The following SNAP91 variants were observed in gnomAD, a reference collection of about 807,000 sequenced individuals.
SNAP91 encodes the protein synaptosome associated protein 91.
In SNAP91, 27 loss-of-function variants were observed where a neutral mutation model predicts 100.3. The ratio of observed to expected loss-of-function variants is 0.27; its 90% CI spans 0.20 to 0.37. SNAP91 has a LOEUF of 0.37. Among genes scored for constraint, SNAP91 ranks in the 10% least tolerant of loss-of-function variants. The pLI, the probability that SNAP91 is intolerant of heterozygous loss-of-function variation, is 1.00. For missense variants in SNAP91, 986 were observed against 1,123.7 expected (o/e 0.88, Z 1.75); for synonymous variants, 404 against 398.6 (o/e 1.01, Z -0.16).
intron 14 of SNAP91, among the ~76,000 whole-genome samples, chr6:83,602,631 A>G (rs2095337780): frequency 6.6e-6 from 1 of 152,162 alleles, no homozygotes; most frequent in Admixed American, 6.5e-5. Context: ...GTAGAAGTTT[A>G]TTTCAATTTC....
At chr6:83,707,979 G>C in intron 1 of SNAP91, 22 bp from the exon 2 acceptor site, 2 of 1,520,946 alleles carry the variant, frequency 1.3e-6, no homozygotes, top group South Asian at 1.3e-5. Flanking sequence ...AAGGGGAGAC[G>C]GTCCGGCTTT....
intron 13 of SNAP91, among the ~76,000 whole-genome samples, chr6:83,607,329 T>TGTTGTGTGTGTGTGTGTGTG (rs148264353): frequency 2.8e-5 from 4 of 144,890 alleles, no homozygotes; most frequent in African/African-American, 1.0e-4. Flanking sequence ...CCAAGTTGGG[T>TGTTGTGTGTGTGTGTGTGTG]TGTGTGTGTG....
intron 2 of SNAP91, chr6:83,690,164 A>C (rs1358466958): frequency 2.0e-6 from 1 of 491,890 alleles, no homozygotes; most frequent in African/African-American, 2.1e-5. Flanking sequence ...CCTAATGATT[A>C]TGGTTACGAA....
intron 8 of SNAP91, among the ~76,000 whole-genome samples, chr6:83,633,401 A>G (rs1324144236): frequency 6.6e-6 from 1 of 152,130 alleles, no homozygotes; most frequent in Admixed American, 6.6e-5. Context: ...CTGTGGTAGT[A>G]TGGGGAGGAA....
chr6:83,592,994 C>G lies in SNAP91; in HGVS notation c.1798G>C (p.Gly600Arg). 2 of 1,585,126 alleles carry G rather than the reference C, an allele frequency of 1.3e-6. No homozygotes were observed. Among genetic ancestry groups the G allele is most frequent in the South Asian group, 2.3e-5 (2 of 86,266 alleles). ...STDAFSSPPQ[G>R]ASPVPESSLT... ...GAACTCTCAGGCACAGGAGAGGCCC[C>G]TTGTGGTGGAGAGGAGAAAGCATCT... The change falls in exon 20 of 30, where the codon GGG (glycine) becomes CGG (arginine). Residue 600 changes from glycine to arginine, a missense_variant. This residue lies in a region of SNAP91 where 575 missense variants were observed against 579.9 expected (regional missense o/e 0.99). Coordinates refer to ENST00000369694, the MANE Select transcript of SNAP91 (RefSeq NM_001242792.2).
At chr6:83,559,640 C>T (rs746135959) in intron 28 of SNAP91, among the ~76,000 whole-genome samples, 12 of 152,138 alleles carry the variant, frequency 7.9e-5, no homozygotes, top group African/African-American at 9.7e-5. Flanking sequence ...ATGTGTCTTG[C>T]GTCTGGAGTG....
In SNAP91 at chr6:83,554,496, C is replaced by G. The variant is rs187614321; in HGVS notation, c.*11-211G>C. Among the ~76,000 whole-genome samples the G allele has an allele frequency of 5.8e-3, 888 of 151,912 alleles. 5 individuals are homozygous for G. The highest frequency in any genetic ancestry group is 9.4e-3 in the Non-Finnish European group (638 of 67,948). On this transcript the variant is annotated intron_variant, in intron 29 of 29. Coordinates refer to ENST00000369694, the MANE Select transcript of SNAP91 (RefSeq NM_001242792.2). The stretch of plus-strand genomic sequence containing the variant: ...AGTTTAGCCAGAAATTAAAAAAAAA[C>G]TTTTGATGTATAGTTTCATTTTAGA...
chr6:83,630,035 G>A lies in SNAP91; in HGVS notation c.766-6693C>T, dbSNP rs548139412. On this transcript the variant is annotated intron_variant, in intron 8 of 29. Transcript: ENST00000369694. ...ATTGATGTACGTCCCTTGTATGCCA[G>A]TTTTGCTAAGCGTTTTAATCATAAA... 6.6e-5 allele frequency among the ~76,000 whole-genome samples: 10 copies of A among 152,112 alleles called. No homozygotes were observed. The East Asian group carries it at 1.9e-3, about 29-fold the overall frequency.
At chr6:83,684,785 A>G (rs2099039023) in intron 2 of SNAP91, among the ~76,000 whole-genome samples, 1 of 152,204 alleles carries the variant, frequency 6.6e-6, no homozygotes, top group Admixed American at 6.5e-5. Context: ...TTAAAAAATC[A>G]GAAACTATTT....
chr6:83,588,791 A>G (rs546649077), intron 22 of SNAP91, among the ~76,000 whole-genome samples: 5 of 152,122 alleles, frequency 3.3e-5, no homozygotes, highest in Admixed American at 2.6e-4. Context: ...GAGAAACACA[A>G]TATCTCAGGT....
At chr6:83,598,516 T>C (rs894126144) in intron 16 of SNAP91, among the ~76,000 whole-genome samples, 1 of 152,182 alleles carries the variant, frequency 6.6e-6, no homozygotes. Context: ...TGAAATTAAA[T>C]AGCCATCCTT....
intron 8 of SNAP91, among the ~76,000 whole-genome samples, chr6:83,625,149 T>C (rs2096882596): frequency 6.6e-6 from 1 of 152,172 alleles, no homozygotes; most frequent in African/African-American, 2.4e-5. Flanking sequence ...TATTTGGTTT[T>C]CTGTTTCTGC....
At chr6:83,591,390 G>T in intron 21 of SNAP91, 96 bp from the exon 22 acceptor site, 1 of 790,632 alleles carries the variant, frequency 1.3e-6, no homozygotes, top group South Asian at 1.5e-5. Context: ...GCAGAGACAT[G>T]ACAGTGTACA....
At chr6:83,638,834 T>G (rs529443900) in intron 8 of SNAP91, among the ~76,000 whole-genome samples, 1 of 152,226 alleles carries the variant, frequency 6.6e-6, no homozygotes, top group African/African-American at 2.4e-5. Flanking sequence ...GCAAATATTC[T>G]GGGAGATGTA....
At chr6:83,629,629 T>C (rs2097125354) in intron 8 of SNAP91, among the ~76,000 whole-genome samples, 1 of 152,084 alleles carries the variant, frequency 6.6e-6, no homozygotes, top group South Asian at 2.1e-4. Flanking sequence ...GTAAAAGGGG[T>C]TGAGATCTTG....
intron 7 of SNAP91, among the ~76,000 whole-genome samples, chr6:83,644,002 G>C (rs1003041612): frequency 1.3e-5 from 2 of 152,140 alleles, no homozygotes; most frequent in East Asian, 1.9e-4. Flanking sequence ...TGAAAATAAG[G>C]ATTTATTCTG....
intron 2 of SNAP91, among the ~76,000 whole-genome samples, chr6:83,689,796 T>G (rs1405740969): frequency 6.6e-6 from 1 of 152,090 alleles, no homozygotes; most frequent in African/African-American, 2.4e-5. Context: ...ATGCCAAAAA[T>G]TTGTTTCCAA....
intron 5 of SNAP91, among the ~76,000 whole-genome samples, chr6:83,660,750 A>G (rs537675603): frequency 6.6e-6 from 1 of 151,816 alleles, no homozygotes; most frequent in Non-Finnish European, 1.5e-5. Context: ...TAAAAAAAAA[A>G]TATTTATATA....
chr6:83,646,132 A>G (rs1404072097), intron 7 of SNAP91, among the ~76,000 whole-genome samples: 1 of 152,172 alleles, frequency 6.6e-6, no homozygotes, highest in Non-Finnish European at 1.5e-5. Flanking sequence ...GTCCTTTATC[A>G]GATGTGGTTT....
Sources: gnomAD v4.1 joint callset for allele counts (sites outside exome capture counted in the v4.1 genomes callset) on GRCh38, gnomAD v4.1.1 for gene constraint, gnomAD v4.1.1 regional missense constraint, MANE v1.5 for transcripts, NCBI Gene and HGNC (gene_info 2026-07-23, HGNC 2026-07-21) for gene names.